ITPR2: variants seen among roughly 807,000 people sequenced by gnomAD.
ITPR2 encodes the protein inositol 1,4,5-trisphosphate receptor type 2, also known as inositol 1,4,5-trisphosphate-gated calcium channel ITPR2.
In ITPR2, 207 loss-of-function variants were observed where a neutral mutation model predicts 317.1. The observed-to-expected ratio is 0.65, with a 90% CI of 0.58 to 0.73. The LOEUF is 0.73. ITPR2 is among the 30% of genes least tolerant of loss of function. The pLI, the probability that ITPR2 is intolerant of heterozygous loss-of-function variation, is 0.00. For synonymous variants in ITPR2, 1,156 were observed against 1,149.1 expected, an observed-to-expected ratio of 1.01 and a Z score of -0.12; for missense variants, 2,613 against 3,284.0, an observed-to-expected ratio of 0.80 and a Z score of 4.99.
chr12:26,669,861 C>G (rs1281896315), intron 13 of ITPR2, among the ~76,000 whole-genome samples: 1 of 152,392 alleles, frequency 6.6e-6, no homozygotes, highest in South Asian at 2.1e-4. Flanking sequence ...TGCGCTTTTC[C>G]GACGGGCTTA....
intron 37 of ITPR2, among the ~76,000 whole-genome samples, chr12:26,516,275 G>GGGAAA (rs1943501898): frequency 7.9e-4 from 30 of 37,740 alleles, no homozygotes; most frequent in African/African-American, 1.8e-3. Context: ...AGGAAAGGAA[G>GGGAAA]GGAAGGGAAG....
At chr12:26,446,465 C>T (rs552816621) in intron 45 of ITPR2, among the ~76,000 whole-genome samples, 37 of 151,964 alleles carry the variant, frequency 2.4e-4, no homozygotes, top group Non-Finnish European at 4.7e-4. Flanking sequence ...ATAATTTCTC[C>T]TAAGTTTATT....
At chr12:26,483,982 T>G in intron 41 of ITPR2, 84 bp from the exon 42 acceptor site, 1 of 1,151,676 alleles carries the variant, frequency 8.7e-7, no homozygotes, top group South Asian at 1.4e-5. Flanking sequence ...TGTGTGCTTT[T>G]CTAACTTTTC....
chr12:26,538,867 G>A (rs1393927334), intron 37 of ITPR2, among the ~76,000 whole-genome samples: 1 of 152,102 alleles, frequency 6.6e-6, no homozygotes, highest in African/African-American at 2.4e-5. Context: ...GAGCCACTGC[G>A]CCCGGACAGC....
chr12:26,748,394 T>C (rs1949360633), intron 2 of ITPR2, among the ~76,000 whole-genome samples: 1 of 152,190 alleles, frequency 6.6e-6, no homozygotes, highest in Non-Finnish European at 1.5e-5. Flanking sequence ...CACTTAATCC[T>C]ATACTATTAC....
chr12:26,800,981 C>CGACCTCCAAGTGGCAGCT (rs1950546260), intron 1 of ITPR2: 4 of 173,624 alleles, frequency 2.3e-5, no homozygotes, highest in African/African-American at 9.5e-5. Flanking sequence ...ACAGGAGGTA[C>CGACCTCCAAGTGGCAGCT]TCAGAGGCTG....
chr12:26,343,744 G>A (rs996646640), intron 55 of ITPR2, among the ~76,000 whole-genome samples: 10 of 152,210 alleles, frequency 6.6e-5, no homozygotes, highest in Non-Finnish European at 1.5e-4. Flanking sequence ...AGGATGGGAA[G>A]GATTAGAAAA....
intron 39 of ITPR2, among the ~76,000 whole-genome samples, chr12:26,492,811 AT>A (rs1319335003): frequency 6.6e-6 from 1 of 152,102 alleles, no homozygotes; most frequent in African/African-American, 2.4e-5. Context: ...AGCTGAAAGA[AT>A]TTTAAATGCT....
At chr12:26,592,897 G>C (rs1945742988) in intron 32 of ITPR2, among the ~76,000 whole-genome samples, 1 of 152,202 alleles carries the variant, frequency 6.6e-6, no homozygotes, top group African/African-American at 2.4e-5. Flanking sequence ...TGGATACAAT[G>C]ATATGGATGA....
At chr12:26,530,213 G>A (rs1213913446) in intron 37 of ITPR2, among the ~76,000 whole-genome samples, 1 of 152,172 alleles carries the variant, frequency 6.6e-6, no homozygotes, top group Admixed American at 6.5e-5. Context: ...AAGTGATGTA[G>A]CAAGGGCCCC....
chr12:26,493,820 G>C (rs1021486421), intron 39 of ITPR2, among the ~76,000 whole-genome samples: 1 of 152,178 alleles, frequency 6.6e-6, no homozygotes, highest in Non-Finnish European at 1.5e-5. Context: ...AACCCTACGG[G>C]CCACTTGGCA....
intron 39 of ITPR2, among the ~76,000 whole-genome samples, chr12:26,488,808 CAA>C (rs1469367132): frequency 6.6e-6 from 1 of 152,094 alleles, no homozygotes; most frequent in Non-Finnish European, 1.5e-5. Context: ...TCTATTAAAA[CAA>C]AGCTTCATAA....
intron 2 of ITPR2, among the ~76,000 whole-genome samples, chr12:26,766,535 TTATTTGGAA>T (rs1949723234): frequency 6.6e-6 from 1 of 152,176 alleles, no homozygotes. Context: ...ACCAGATAAA[TTATTTGGAA>T]ATATCTTCTC....
Position 26,659,163 on chromosome 12 carries a change from T to G in ITPR2, c.1836A>C (p.Ala612=), listed in dbSNP as rs1947439498. The G allele has an allele frequency of 6.2e-7, 1 of 1,613,624 alleles. No individual in the cohort carries two copies. Among genetic ancestry groups the G allele is most frequent in the East Asian group, 2.2e-5 (1 of 44,828 alleles). ...AACTGACAAATGTTTCTATTTCTTTTGCTGTGATATGTTTCTCTAGTAGTT... is the reference window on the plus strand; with the variant it reads ...AACTGACAAATGTTTCTATTTCTTTGGCTGTGATATGTTTCTCTAGTAGTT... ...NRKLLEKHIT[A]KEIETFVSLL... is the part of the protein sequence containing the mutation. The change falls in exon 16 of 57, where the codon GCA becomes GCC. Residue 612 remains alanine, a synonymous_variant. Coordinates refer to ENST00000381340, the MANE Select transcript of ITPR2 (RefSeq NM_002223.4).
At chr12:26,478,381 C>T (rs1249118237) in intron 43 of ITPR2, among the ~76,000 whole-genome samples, 1 of 151,786 alleles carries the variant, frequency 6.6e-6, no homozygotes, top group African/African-American at 2.4e-5. Flanking sequence ...AAATAACATA[C>T]CTAAAAGAGT....
At chr12:26,607,120 G>A (rs1253617824) in intron 26 of ITPR2, among the ~76,000 whole-genome samples, 1 of 152,126 alleles carries the variant, frequency 6.6e-6, no homozygotes, top group Non-Finnish European at 1.5e-5. Flanking sequence ...GAAGTTTAAG[G>A]AGGTCCATCC....
chr12:26,528,678 A>T (rs1029754745), intron 37 of ITPR2, among the ~76,000 whole-genome samples: 4 of 152,232 alleles, frequency 2.6e-5, no homozygotes, highest in African/African-American at 9.6e-5. Flanking sequence ...GAAGCTCAGA[A>T]TATCATGCAA....
At chr12:26,689,553 T>C (rs11048652) in intron 10 of ITPR2, among the ~76,000 whole-genome samples, 12,815 of 152,218 alleles carry the variant, frequency 0.084, 601 homozygotes, top group Middle Eastern at 0.15. Context: ...ATCTACATCA[T>C]GTACCTCAAC....
intron 21 of ITPR2, among the ~76,000 whole-genome samples, chr12:26,644,585 T>C (rs1418884900): frequency 6.6e-6 from 1 of 152,220 alleles, no homozygotes; most frequent in Non-Finnish European, 1.5e-5. Flanking sequence ...AGTCATATCT[T>C]ACATGGCAGC....
Sources: allele counts gnomAD v4.1 joint callset (sites outside exome capture counted in the v4.1 genomes callset), GRCh38; gene constraint gnomAD v4.1.1; transcripts MANE v1.5; gene names NCBI Gene and HGNC (gene_info 2026-07-23, HGNC 2026-07-21).